AKAP8L: variants seen among roughly 807,000 people sequenced by gnomAD.
AKAP8L encodes the protein A-kinase anchoring protein 8 like, also known as A-kinase anchor protein 8-like.
AKAP8L carries 34 observed loss-of-function variants against 77.5 expected under a neutral mutation model. That is an observed-to-expected ratio of 0.44 (90% CI 0.33 to 0.58). The LOEUF is 0.58. Among genes scored for constraint, AKAP8L ranks in the 20% least tolerant of loss-of-function variants. AKAP8L has a pLI of 0.02. For missense variants in AKAP8L, 806 were observed against 887.6 expected (o/e 0.91, Z 1.17); for synonymous variants, 342 against 340.7 (o/e 1.00, Z -0.04).
intron 2 of AKAP8L, among the ~76,000 whole-genome samples, chr19:15,407,853 T>C (rs558740696): frequency 7.2e-5 from 11 of 152,366 alleles, no homozygotes; most frequent in African/African-American, 2.6e-4. Flanking sequence ...CAAGGCTCTC[T>C]CACTCAAAAT....
In AKAP8L at chr19:15,410,610, G is replaced by A. The variant is rs781461392; in HGVS notation, c.14-16C>T. 1.3e-6 allele frequency: 2 copies of A among 1,575,712 alleles called. No homozygotes were observed. Among genetic ancestry groups the A allele is most frequent in the Admixed American group, 1.8e-5 (1 of 54,480 alleles). ...TGGACAAAGCCTAAACATAAAGACA[G>A]TGGGGTTAATTTCCACAAGCAAGTC... is the stretch of plus-strand genomic sequence containing the variant. On this transcript the variant is annotated splice_polypyrimidine_tract_variant and intron_variant, in intron 1 of 13. Coordinates refer to ENST00000397410, the MANE Select transcript of AKAP8L (RefSeq NM_014371.4).
At chr19:15,383,116 A>G (rs1387900779) in intron 12 of AKAP8L, 5 of 152,226 alleles carry the variant, frequency 3.3e-5, no homozygotes, top group Non-Finnish European at 5.9e-5. Context: ...TTTCATTTAT[A>G]TGTAAGTCAT....
chr19:15,418,809 A>T, intron 1 of AKAP8L, 102 bp downstream of exon 1: 1 of 1,194,360 alleles, frequency 8.4e-7, no homozygotes, highest in Non-Finnish European at 1.2e-6. Context: ...CAGGGAAGGC[A>T]GTGACGGGGC....
chr19:15,404,372 T>C (rs1004234494), intron 2 of AKAP8L: 2 of 283,386 alleles, frequency 7.1e-6, no homozygotes, highest in Non-Finnish European at 1.3e-5. Context: ...AATCAGTTTA[T>C]AGCAGAAAAC....
chr19:15,415,507 T>C (rs559588119), intron 1 of AKAP8L, among the ~76,000 whole-genome samples: 1 of 152,322 alleles, frequency 6.6e-6, no homozygotes, highest in East Asian at 1.9e-4. Flanking sequence ...ATATATTTTC[T>C]TGAGACAGGA....
In AKAP8L at chr19:15,397,619, C is replaced by T. The variant is rs775439269; in HGVS notation, c.1306G>A (p.Val436Ile). Reference protein sequence around the residue: ...KQTADFLQEYVTNKTKKTEEL... With the variant: ...KQTADFLQEYITNKTKKTEEL... ...TCTGTCTTCTTGGTCTTGTTAGTGA[C>T]GTACTCCTGCAAGGAATATAAAGGT... is the stretch of plus-strand genomic sequence containing the variant. The change falls in exon 11 of 14, where the codon GTC (valine) becomes ATC (isoleucine). Residue 436 changes from valine to isoleucine, a missense_variant. Val to Ile is a conservative substitution (Grantham distance 29). This residue lies in a region of AKAP8L where 580 missense variants were observed against 694.1 expected (regional missense o/e 0.84). Coordinates refer to ENST00000397410, the MANE Select transcript of AKAP8L (RefSeq NM_014371.4). The surrounding 1 kb of genome is among the most constrained non-coding windows in gnomAD (Gnocchi z 4.7). 3.1e-6 allele frequency: 5 copies of T among 1,613,884 alleles called. No homozygotes were observed. Among genetic ancestry groups the T allele is most frequent in the East Asian group, 2.2e-5 (1 of 44,874 alleles).
At chr19:15,390,301 C>T (rs879475269) in intron 12 of AKAP8L, among the ~76,000 whole-genome samples, 1 of 151,756 alleles carries the variant, frequency 6.6e-6, no homozygotes, top group Non-Finnish European at 1.5e-5. Context: ...TGCCTTTAGT[C>T]CCTGCTATTT....
At chr19:15,385,543 TA>T (rs1409630103) in intron 12 of AKAP8L, among the ~76,000 whole-genome samples, 1 of 152,188 alleles carries the variant, frequency 6.6e-6, no homozygotes, top group Non-Finnish European at 1.5e-5. Context: ...ACTTATAATG[TA>T]TCATACATAG....
chr19:15,391,366 G>C (rs1215813336), intron 12 of AKAP8L, among the ~76,000 whole-genome samples: 3 of 137,422 alleles, frequency 2.2e-5, no homozygotes, highest in Non-Finnish European at 4.6e-5. Flanking sequence ...GCTGAGGCAG[G>C]AGAATGGCGT....
intron 7 of AKAP8L, 42 bp downstream of exon 7, chr19:15,400,752 G>A (rs1167804366): frequency 1.9e-6 from 3 of 1,609,342 alleles, no homozygotes; most frequent in East Asian, 2.2e-5. Context: ...AGGCCAGCTC[G>A]CCCTGCCTGC....
rs528964183 is a variant in AKAP8L, at chr19:15,414,481, CT to C, written c.14-3888del. Among the ~76,000 whole-genome samples, 960 of 145,216 alleles carry C rather than the reference CT, an allele frequency of 6.6e-3. 11 individuals carry two copies. Among genetic ancestry groups the C allele is most frequent in the African/African-American group, 0.022 (863 of 39,952 alleles). ...AAGCTAAATGTTAGATCACAGATTT[CT>C]TTTTTTTTTTGTTTGTTTGTTTTTG... On this transcript the variant is annotated intron_variant, in intron 1 of 13. Coordinates refer to ENST00000397410, the MANE Select transcript of AKAP8L (RefSeq NM_014371.4).
chr19:15,398,837 G>A lies in AKAP8L; in HGVS notation c.1157+465C>T, dbSNP rs954849812. ...CAGACAGGCCCGGCCTGACAGGGCC[G>A]GCGGGCAGGGCAGAAGGCAGGCCCG... On this transcript the variant is annotated intron_variant, in intron 9 of 13. Transcript: ENST00000397410. This position sits in a 1 kb window ranked among gnomAD's most constrained non-coding sequence, Gnocchi z 9.2. The A allele has an allele frequency of 2.6e-5, 26 of 1,009,892 alleles. No homozygotes were observed. Among genetic ancestry groups the A allele is most frequent in the South Asian group, 7.9e-5 (2 of 25,432 alleles). 62.6% of individuals were successfully genotyped at this position (1,009,892 alleles called of 1,614,324 possible). A position where few individuals can be genotyped will look rare whatever the true frequency, so the allele number is the denominator to read the frequency against.
Position 15,403,835 on chromosome 19 carries a change from C to T in AKAP8L, c.122-120G>A. 9.2e-7 allele frequency: 1 copy of T among 1,087,726 alleles called. No homozygotes were observed. Among genetic ancestry groups the T allele is most frequent in the Non-Finnish European group, 1.4e-6 (1 of 737,686 alleles). The allele number at this position is 1,087,726 out of a possible 1,614,324, so 67.4% of individuals were successfully genotyped here. ...TGTCACAGAGAGAGAAGACCCTAGC[C>T]ACTGAAGCTAGATGGGCCCTGGTCA... is the stretch of plus-strand genomic sequence containing the variant. On this transcript the variant is annotated intron_variant, in intron 3 of 13. Coordinates refer to ENST00000397410, the MANE Select transcript of AKAP8L (RefSeq NM_014371.4). The surrounding 1 kb of genome is among the most constrained non-coding windows in gnomAD (Gnocchi z 4.3).
At chr19:15,393,965 C>T (rs1054701372) in intron 12 of AKAP8L, among the ~76,000 whole-genome samples, 6 of 150,788 alleles carry the variant, frequency 4.0e-5, no homozygotes, top group African/African-American at 9.8e-5. Flanking sequence ...GAAATCAGGA[C>T]CCTTATATGT....
At chr19:15,387,260 C>G (rs1169477358) in intron 12 of AKAP8L, among the ~76,000 whole-genome samples, 1 of 152,188 alleles carries the variant, frequency 6.6e-6, no homozygotes, top group African/African-American at 2.4e-5. Context: ...CCATTGTCTC[C>G]ATCCCCAGAG....
At chr19:15,388,486 A>G (rs1241026643) in intron 12 of AKAP8L, among the ~76,000 whole-genome samples, 2 of 152,198 alleles carry the variant, frequency 1.3e-5, no homozygotes, top group Admixed American at 6.5e-5. Context: ...AGAAGGTATA[A>G]TGACACTGTC....
intron 7 of AKAP8L, 41 bp from the exon 8 acceptor site, chr19:15,400,399 T>C (rs751176228): frequency 3.8e-6 from 6 of 1,574,436 alleles, no homozygotes. Context: ...GGTGCCTTTT[T>C]TTTTTTTTTT....
At chr19:15,392,891 T>A (rs1967691599) in intron 12 of AKAP8L, among the ~76,000 whole-genome samples, 1 of 100 alleles carries the variant, frequency 0.01, no homozygotes, top group Admixed American at 0.17. Context: ...AGCAAAACTC[T>A]GTCTCAAAAA....
Position 15,403,490 on chromosome 19 carries a change from C to A in AKAP8L, c.347G>T (p.Gly116Val). 6.2e-7 allele frequency: 1 copy of A among 1,613,956 alleles called. No homozygotes were observed. The highest frequency in any genetic ancestry group is 1.3e-5 in the African/African-American group (1 of 75,046). Residue 116 changes from glycine to valine, a missense_variant, in exon 4 of 14, where the codon GGC becomes GTC. This residue lies in a region of AKAP8L where 580 missense variants were observed against 694.1 expected (regional missense o/e 0.84). Coordinates refer to ENST00000397410, the MANE Select transcript of AKAP8L (RefSeq NM_014371.4). The surrounding 1 kb of genome is among the most constrained non-coding windows in gnomAD (Gnocchi z 4.3). ...GTCCACTCACCTTTCTCCACCTGAGCCGTACACGCCTCCTTGCATCATGTC... is the reference window on the plus strand; with the variant it reads ...GTCCACTCACCTTTCTCCACCTGAGACGTACACGCCTCCTTGCATCATGTC... ...ETDMMQGGVY[G>V]SGGERYDSYE...
Sources: allele counts gnomAD v4.1 joint callset (sites outside exome capture counted in the v4.1 genomes callset), GRCh38; gene constraint gnomAD v4.1.1; regional missense constraint gnomAD v4.1.1; non-coding constraint Gnocchi (gnomAD v3.1); transcripts MANE v1.5; gene names NCBI Gene and HGNC (gene_info 2026-07-23, HGNC 2026-07-21).